PPP4R3B: variants seen among roughly 807,000 people sequenced by gnomAD.
PPP4R3B encodes the protein protein phosphatase 4 regulatory subunit 3B.
In PPP4R3B, 52 loss-of-function variants were observed where a neutral mutation model predicts 95.4. The ratio of observed to expected loss-of-function variants is 0.54; its 90% CI spans 0.44 to 0.69. The LOEUF (loss-of-function observed/expected upper bound fraction) is 0.69, where lower values mean the gene tolerates loss of function less well. PPP4R3B is among the 30% of genes least tolerant of loss of function. PPP4R3B has a pLI of 0.00. For missense variants in PPP4R3B, 1,003 were observed against 1,005.9 expected (o/e 1.00, Z 0.04); for synonymous variants, 407 against 343.9 (o/e 1.18, Z -2.03).
chr2:55,578,884 T>C (rs1400810331), intron 9 of PPP4R3B, among the ~76,000 whole-genome samples: 5 of 152,210 alleles, frequency 3.3e-5, no homozygotes, highest in South Asian at 4.1e-4. Context: ...ACTAATTAAG[T>C]TGTACGCTTT....
chr2:55,589,915 CA>C (rs778982130), intron 4 of PPP4R3B, among the ~76,000 whole-genome samples: 16,408 of 81,890 alleles, frequency 0.2, 2,047 homozygotes, highest in African/African-American at 0.44. Context: ...GACTCCATCT[CA>C]AAAAAAAAAA....
chr2:55,581,496 T>A, intron 8 of PPP4R3B, 71 bp downstream of exon 8: 1 of 1,475,398 alleles, frequency 6.8e-7, no homozygotes, highest in East Asian at 2.4e-5. Flanking sequence ...TACTTGTTTC[T>A]CAAAATCTTA....
intron 13 of PPP4R3B, among the ~76,000 whole-genome samples, chr2:55,566,881 C>A (rs1187874710): frequency 6.6e-6 from 1 of 152,170 alleles, no homozygotes; most frequent in African/African-American, 2.4e-5. Context: ...TAGTGCATGC[C>A]TGTAGTTCCA....
At chr2:55,574,037 C>T (rs986243489) in intron 11 of PPP4R3B, among the ~76,000 whole-genome samples, 3 of 151,500 alleles carry the variant, frequency 2.0e-5, no homozygotes, top group Non-Finnish European at 2.9e-5. Flanking sequence ...TACAGATGTA[C>T]GCCACCATGC....
In PPP4R3B at chr2:55,573,925, G is replaced by A. The variant is rs897865893; in HGVS notation, c.1607-148C>T. The A allele has an allele frequency of 2.8e-4, 155 of 544,214 alleles. No homozygotes were observed. The African/African-American group carries it at 3.8e-3, about 13-fold the overall frequency. 33.7% of individuals were successfully genotyped at this position (544,214 alleles called of 1,614,324 possible). A position where few individuals can be genotyped will look rare whatever the true frequency, so the allele number is the denominator to read the frequency against. On this transcript the variant is annotated intron_variant, in intron 11 of 16. Coordinates refer to ENST00000616407, the MANE Select transcript of PPP4R3B (RefSeq NM_001122964.3). ...TTTTTTTGAGACAAAGTCTCACTCT[G>A]TCACCCAGTTTGGAGTGTGGTGGTG...
At chr2:55,554,356 T>C (rs1411837317) in intron 16 of PPP4R3B, among the ~76,000 whole-genome samples, 1 of 152,226 alleles carries the variant, frequency 6.6e-6, no homozygotes, top group Admixed American at 6.5e-5. Context: ...ACCAGGCCTG[T>C]TGTGCTATTT....
At chr2:55,598,145 G>A (rs1212035406) in intron 4 of PPP4R3B, among the ~76,000 whole-genome samples, 1 of 152,082 alleles carries the variant, frequency 6.6e-6, no homozygotes, top group African/African-American at 2.4e-5. Flanking sequence ...GCTTGAACCC[G>A]GGAAGCGTAG....
intron 4 of PPP4R3B, among the ~76,000 whole-genome samples, chr2:55,593,502 C>T (rs959709588): frequency 1.7e-4 from 26 of 152,118 alleles, no homozygotes; most frequent in Non-Finnish European, 4.4e-5. Context: ...TTTAAGAAAC[C>T]ACAGGTAAGT....
At position 55,549,878 on chromosome 2, in the gene PPP4R3B, A is replaced by C. The variant is rs775847314; in HGVS notation, c.*33T>G. ...CTCACTGAACAGTTGCAGCATTGTA[A>C]GACCACATGTTGAGGGTCCCCTAAT... is the stretch of plus-strand genomic sequence containing the variant. On this transcript the variant is annotated 3_prime_UTR_variant, in exon 17 of 17. Transcript: ENST00000616407. 1.3e-4 allele frequency: 195 copies of C among 1,485,066 alleles called. 1 individual carries two copies. The South Asian group carries it at 1.7e-3, about 13-fold the overall frequency. 92.0% of individuals were successfully genotyped at this position (1,485,066 alleles called of 1,614,324 possible). A position where few individuals can be genotyped will look rare whatever the true frequency, so the allele number is the denominator to read the frequency against.
intron 12 of PPP4R3B, 148 bp from the exon 13 acceptor site, chr2:55,568,511 T>C: frequency 1.7e-6 from 1 of 586,944 alleles, no homozygotes; most frequent in Non-Finnish European, 2.6e-6. Context: ...TCCTCTAAAA[T>C]GAAAAGTAAA....
At chr2:55,608,960 A>C (rs2103833749) in intron 2 of PPP4R3B, among the ~76,000 whole-genome samples, 1 of 152,144 alleles carries the variant, frequency 6.6e-6, no homozygotes, top group African/African-American at 2.4e-5. Flanking sequence ...TGGCTGGGAG[A>C]CAGTCTCATC....
At chr2:55,556,820 A>G (rs1369700824) in intron 16 of PPP4R3B, among the ~76,000 whole-genome samples, 1 of 152,150 alleles carries the variant, frequency 6.6e-6, no homozygotes, top group African/African-American at 2.4e-5. Context: ...TAATCCTAAC[A>G]CTGTGGGAAG....
At chr2:55,591,075 G>C (rs1010541184) in intron 4 of PPP4R3B, among the ~76,000 whole-genome samples, 4 of 151,592 alleles carry the variant, frequency 2.6e-5, no homozygotes, top group Non-Finnish European at 5.9e-5. Flanking sequence ...ACTGCAGCCT[G>C]AACATCCATC....
chr2:55,559,009 C>G, intron 15 of PPP4R3B, 41 bp from the exon 16 acceptor site: 2 of 1,482,120 alleles, frequency 1.3e-6, no homozygotes, highest in Non-Finnish European at 1.8e-6. Context: ...TCAATAAATA[C>G]TGCTAAGTCA....
intron 10 of PPP4R3B, among the ~76,000 whole-genome samples, chr2:55,577,958 C>A (rs1288041451): frequency 6.6e-6 from 1 of 152,000 alleles, no homozygotes; most frequent in Non-Finnish European, 1.5e-5. Context: ...AAGCTAGAAA[C>A]AAATGCACAT....
At chr2:55,594,930 G>C (rs971337244) in intron 4 of PPP4R3B, among the ~76,000 whole-genome samples, 6 of 152,078 alleles carry the variant, frequency 3.9e-5, no homozygotes, top group African/African-American at 1.4e-4. Context: ...ACAATAATAG[G>C]TGACTACTGG....
At position 55,589,712 on chromosome 2, in the gene PPP4R3B, G is replaced by A. The variant is rs994265198; in HGVS notation, c.922-756C>T. On this transcript the variant is annotated intron_variant, in intron 4 of 16. Transcript: ENST00000616407. ...GGGCGGATCACGAGGTCATGAGATC[G>A]AGACCACCCTGGCTAACATGGTAAA... is the stretch of plus-strand genomic sequence containing the variant. Among the ~76,000 whole-genome samples, 24 of 150,932 alleles carry A rather than the reference G, an allele frequency of 1.6e-4. 1 individual carries two copies. Among genetic ancestry groups the A allele is most frequent in the African/African-American group, 4.4e-4 (18 of 41,072 alleles).
At chr2:55,597,836 T>C (rs1176810103) in intron 4 of PPP4R3B, among the ~76,000 whole-genome samples, 2 of 152,160 alleles carry the variant, frequency 1.3e-5, no homozygotes, top group Non-Finnish European at 2.9e-5. Context: ...GTCAAAACGG[T>C]GAATTTTATG....
intron 3 of PPP4R3B, among the ~76,000 whole-genome samples, chr2:55,603,250 G>C (rs1239088031): frequency 2.0e-5 from 3 of 152,158 alleles, no homozygotes; most frequent in Non-Finnish European, 4.4e-5. Context: ...ACCGCGTCCG[G>C]ATGGACAAAT....
Sources: gnomAD v4.1 joint callset for allele counts (sites outside exome capture counted in the v4.1 genomes callset) on GRCh38, gnomAD v4.1.1 for gene constraint, MANE v1.5 for transcripts, NCBI Gene and HGNC (gene_info 2026-07-23, HGNC 2026-07-21) for gene names.